The following SCN10A variants were observed in gnomAD, a reference collection of about 807,000 sequenced individuals.
SCN10A encodes sodium channel protein type 10 subunit alpha.
Under a neutral mutation model 170.7 loss-of-function variants are expected in SCN10A, and 162 were observed. That is an observed-to-expected ratio of 0.95 (90% CI 0.84 to 1.08). The LOEUF (loss-of-function observed/expected upper bound fraction) is 1.08. SCN10A is among the 50% of genes least tolerant of loss of function. The probability of loss-of-function intolerance (pLI) is 0.00; values close to 1 mark genes in which losing one functional copy is unlikely to be tolerated. For synonymous variants in SCN10A, 985 were observed against 904.6 expected (o/e 1.09, Z -1.59); for missense variants, 2,527 against 2,436.9 (o/e 1.04, Z -0.78).
chr3:38,772,721 C>CAAA (rs1559457230), intron 4 of SCN10A, among the ~76,000 whole-genome samples: 1 of 61,158 alleles, frequency 1.6e-5, no homozygotes, highest in African/African-American at 8.2e-5. Flanking sequence ...ACAACAACAA[C>CAAA]AACAAAAACA....
chr3:38,745,992 T>C (rs1358829800), intron 13 of SCN10A, among the ~76,000 whole-genome samples: 1 of 148,860 alleles, frequency 6.7e-6, no homozygotes, highest in East Asian at 2.0e-4. Context: ...GTTGCATCTT[T>C]TCAAAATTAC....
rs763821142 is a variant in SCN10A at position 38,750,124 on chromosome 3, G to A, written c.1816C>T (p.Arg606Trp). The change falls in exon 13 of 28, where the codon CGG becomes TGG. Residue 606 changes from arginine to tryptophan, a missense_variant. By Grantham distance (101) the Arg-to-Trp change is moderately radical. Transcript: ENST00000449082. The stretch of plus-strand genomic sequence containing the variant: ...ACAACACTCATTGCCCTTTGGGCCC[G>A]GAAAGGTTCATCTAAGTATTCTGCT... ...LSAEYLDEPF[R>W]AQRAMSVVSI... 7.4e-6 allele frequency: 12 copies of A among 1,612,976 alleles called. No homozygotes were observed. The highest frequency in any genetic ancestry group is 2.2e-5 in the East Asian group (1 of 44,888).
At chr3:38,796,786 A>G (rs181857374) in intron 1 of SCN10A, among the ~76,000 whole-genome samples, 26 of 152,188 alleles carry the variant, frequency 1.7e-4, no homozygotes, top group Admixed American at 1.4e-3. Context: ...TCATGTTCCC[A>G]TAACTCTCTG....
intron 10 of SCN10A, 112 bp downstream of exon 10, chr3:38,756,562 A>T (rs1258569653): frequency 1.2e-6 from 1 of 837,342 alleles, no homozygotes; most frequent in Non-Finnish European, 1.9e-6. Flanking sequence ...AGGCAAGATG[A>T]TTCCTCCTAT....
chr3:38,718,896 G>T, intron 20 of SCN10A, 70 bp from the exon 21 acceptor site: 1 of 1,462,330 alleles, frequency 6.8e-7, no homozygotes, highest in Non-Finnish European at 9.4e-7. Flanking sequence ...GACTGATAGG[G>T]AAGGACCCAG....
intron 20 of SCN10A, among the ~76,000 whole-genome samples, chr3:38,719,209 A>T (rs550260345): frequency 1.1e-4 from 16 of 152,348 alleles, no homozygotes; most frequent in African/African-American, 3.8e-4. Flanking sequence ...AATGAAAGTA[A>T]GAATCGCCAA....
rs1433777718 is a variant in SCN10A at position 38,723,511 on chromosome 3, A to G, written c.3271T>C (p.Cys1091Arg). Reference protein sequence around the residue: ...TSSSEGSTVDCLDPEEILRKI... With the variant: ...TSSSEGSTVDRLDPEEILRKI... ...CTCAGGATTTCCTCAGGATCTAGGC[A>G]GTCCACCGTGCTGCCCTCAGAGGAG... Residue 1091 changes from cysteine (C) to arginine (R), a missense_variant, in exon 19 of 28, where the codon TGC becomes CGC. Coordinates refer to ENST00000449082, the MANE Select transcript of SCN10A (RefSeq NM_006514.4). 3 of 1,612,180 alleles carry G rather than the reference A, an allele frequency of 1.9e-6. No individual in the cohort carries two copies. The highest frequency in any genetic ancestry group is 4.5e-5 in the East Asian group (2 of 44,810).
chr3:38,748,957 G>T (rs2063720889), intron 13 of SCN10A, among the ~76,000 whole-genome samples: 1 of 152,084 alleles, frequency 6.6e-6, no homozygotes, highest in African/African-American at 2.4e-5. Flanking sequence ...TCACCCCCCA[G>T]ATATCACCTT....
At chr3:38,715,862 G>A (rs2063329223) in intron 21 of SCN10A, among the ~76,000 whole-genome samples, 1 of 152,118 alleles carries the variant, frequency 6.6e-6, no homozygotes, top group Non-Finnish European at 1.5e-5. Context: ...CTGTGCTTCT[G>A]TTTCTTACAA....
At chr3:38,763,429 T>C (rs2063897678) in intron 6 of SCN10A, 76 bp downstream of exon 6, 2 of 1,158,680 alleles carry the variant, frequency 1.7e-6, no homozygotes, top group South Asian at 2.5e-5. Context: ...CCTGGAACCT[T>C]ACAGGGTTCT....
At chr3:38,786,438 T>C (rs1392989936) in intron 4 of SCN10A, among the ~76,000 whole-genome samples, 2 of 150,186 alleles carry the variant, frequency 1.3e-5, no homozygotes, top group Non-Finnish European at 3.0e-5. Context: ...TGAGAGCACG[T>C]GGATACAGGG....
At chr3:38,790,560 T>C (rs1331204292) in intron 3 of SCN10A, among the ~76,000 whole-genome samples, 1 of 151,988 alleles carries the variant, frequency 6.6e-6, no homozygotes, top group African/African-American at 2.4e-5. Flanking sequence ...GTGATTTCTC[T>C]TTATTTGTAA....
chr3:38,807,078 G>A (rs1265607319), intron 1 of SCN10A, among the ~76,000 whole-genome samples: 3 of 152,110 alleles, frequency 2.0e-5, no homozygotes, highest in African/African-American at 7.2e-5. Flanking sequence ...GGAGGAAGAG[G>A]CCTGGAAAAC....
At chr3:38,718,572 C>A in intron 21 of SCN10A, 81 bp downstream of exon 21, 1 of 1,477,496 alleles carries the variant, frequency 6.8e-7, no homozygotes, top group Non-Finnish European at 9.3e-7. Flanking sequence ...GGCCAGGTCT[C>A]TGAGCTTCCT....
intron 14 of SCN10A, among the ~76,000 whole-genome samples, chr3:38,739,993 T>A (rs1044738561): frequency 6.6e-6 from 1 of 152,072 alleles, no homozygotes; most frequent in Admixed American, 6.6e-5. Flanking sequence ...CAGTGAAGAG[T>A]CAGTCTGGTT....
chr3:38,748,632 T>C (rs1186536139), intron 13 of SCN10A, among the ~76,000 whole-genome samples: 5 of 152,100 alleles, frequency 3.3e-5, no homozygotes, highest in Admixed American at 2.6e-4. Context: ...CTCTTCTCTC[T>C]CTAGTTTCCC....
chr3:38,793,003 A>C (rs570850004), intron 2 of SCN10A, among the ~76,000 whole-genome samples: 2 of 151,926 alleles, frequency 1.3e-5, no homozygotes, highest in Non-Finnish European at 1.5e-5. Context: ...AACTAGCTAC[A>C]TGGTCTAGTT....
At chr3:38,762,271 C>T (rs571504242) in intron 6 of SCN10A, among the ~76,000 whole-genome samples, 7 of 152,134 alleles carry the variant, frequency 4.6e-5, no homozygotes, top group African/African-American at 1.7e-4. Flanking sequence ...AGCAGCATGT[C>T]GAGTGCCGTT....
intron 15 of SCN10A, among the ~76,000 whole-genome samples, chr3:38,731,502 CTG>C (rs1361350566): frequency 2.6e-5 from 4 of 152,164 alleles, no homozygotes; most frequent in African/African-American, 9.7e-5. Flanking sequence ...GAAACTCAAA[CTG>C]TGTTCCAAAG....
Sources: allele counts gnomAD v4.1 joint callset (sites outside exome capture counted in the v4.1 genomes callset), GRCh38; gene constraint gnomAD v4.1.1; transcripts MANE v1.5; gene names NCBI Gene and HGNC (gene_info 2026-07-23, HGNC 2026-07-21).